The following ENTPD4 variants were observed in gnomAD, a reference collection of about 807,000 sequenced individuals.
The protein encoded by ENTPD4 is ectonucleoside triphosphate diphosphohydrolase 4.
Under a neutral mutation model 79.1 loss-of-function variants are expected in ENTPD4, and 60 were observed. That is an observed-to-expected ratio of 0.76 (90% confidence interval 0.62 to 0.94). The LOEUF is 0.94. ENTPD4 is among the 40% of genes least tolerant of loss of function. The pLI is 0.00. For missense variants in ENTPD4, 772 were observed against 775.1 expected, an observed-to-expected ratio of 1.00 and a Z score of 0.05; for synonymous variants, 276 against 292.0, an observed-to-expected ratio of 0.95 and a Z score of 0.56.
At position 23,450,920 on chromosome 8, in the gene ENTPD4, G is replaced by T. The variant is rs78948208; in HGVS notation, c.-97-923C>A. 3.0e-4 allele frequency among the ~76,000 whole-genome samples: 45 copies of T among 151,900 alleles called. No homozygotes were observed. In the South Asian group the frequency reaches 3.1e-3, roughly 11 times the overall value. On this transcript the variant is annotated intron_variant, in intron 1 of 12. Coordinates refer to ENST00000358689, the MANE Select transcript of ENTPD4 (RefSeq NM_004901.5). ...TTTTCTCCTAATCTGCTCTGCCCCC[G>T]CAGTCCCAATCTTGATCCCACCAAG...
At chr8:23,453,220 G>A (rs1800896428) in intron 1 of ENTPD4, among the ~76,000 whole-genome samples, 1 of 152,106 alleles carries the variant, frequency 6.6e-6, no homozygotes, top group African/African-American at 2.4e-5. Flanking sequence ...TGTCCATATT[G>A]TACCATGTAC....
At chr8:23,449,820 T>C (rs567317954) in intron 2 of ENTPD4, 73 bp downstream of exon 2, 1 of 1,337,004 alleles carries the variant, frequency 7.5e-7, no homozygotes, top group Non-Finnish European at 1.1e-6. Context: ...GCGATTTAGA[T>C]TTTTTTTCTC....
rs748902526 is a variant in ENTPD4 at position 23,448,942 on chromosome 8, G to A, written c.9-3C>T. ...GAAAAAGACAGGAGATGCCAATCCT[G>A]AAATTAGAAGGAAAAAGATTTTAAA... On this transcript the variant is annotated splice_region_variant and splice_polypyrimidine_tract_variant and intron_variant, in intron 2 of 12. Coordinates refer to ENST00000358689, the MANE Select transcript of ENTPD4 (RefSeq NM_004901.5). The A allele has an allele frequency of 8.1e-6, 13 of 1,610,708 alleles. No individual in the cohort carries two copies. In the South Asian group the frequency reaches 1.4e-4, roughly 18 times the overall value.
intron 9 of ENTPD4, among the ~76,000 whole-genome samples, chr8:23,439,328 A>G (rs1162451166): frequency 1.3e-5 from 2 of 152,172 alleles, no homozygotes; most frequent in Non-Finnish European, 2.9e-5. Context: ...TCATCCACAG[A>G]GTCTCCAGAA....
intron 9 of ENTPD4, among the ~76,000 whole-genome samples, chr8:23,438,403 T>C (rs1324043663): frequency 3.3e-5 from 5 of 152,232 alleles, no homozygotes; most frequent in Admixed American, 6.5e-5. Context: ...CATAAAAATG[T>C]TCGCTTAATT....
At chr8:23,447,082 G>C (rs918018028) in intron 4 of ENTPD4, among the ~76,000 whole-genome samples, 1 of 152,188 alleles carries the variant, frequency 6.6e-6, no homozygotes, top group African/African-American at 2.4e-5. Flanking sequence ...GCTGTCCATG[G>C]AAATGGTGAT....
At chr8:23,456,289 C>T (rs1800956592) in intron 1 of ENTPD4, among the ~76,000 whole-genome samples, 1 of 152,212 alleles carries the variant, frequency 6.6e-6, no homozygotes, top group Non-Finnish European at 1.5e-5. Context: ...TTACTAACAG[C>T]ACTTCCTCCG....
At chr8:23,435,772 C>T (rs774557468) in intron 10 of ENTPD4, among the ~76,000 whole-genome samples, 6 of 152,178 alleles carry the variant, frequency 3.9e-5, no homozygotes, top group Non-Finnish European at 5.9e-5. Flanking sequence ...CTGCATGGTA[C>T]GGGCATACAT....
chr8:23,440,030 T>C, intron 8 of ENTPD4, 115 bp from the exon 9 acceptor site: 1 of 796,914 alleles, frequency 1.3e-6, no homozygotes. Flanking sequence ...GCTTCTGCAC[T>C]TCCCAAGGAC....
At position 23,429,581 on chromosome 8, in the gene ENTPD4, T is replaced by A. The variant is rs1800420087; in HGVS notation, c.*3345A>T. 5 of 985,292 alleles carry A rather than the reference T, an allele frequency of 5.1e-6. No homozygotes were observed. Among genetic ancestry groups the A allele is most frequent in the Non-Finnish European group, 6.0e-6 (5 of 829,888 alleles). The allele number at this position is 985,292 out of a possible 1,614,324, so 61.0% of individuals were successfully genotyped here. A position where few individuals can be genotyped will look rare whatever the true frequency, so the allele number is the denominator to read the frequency against. The stretch of plus-strand genomic sequence containing the variant: ...TTGCCATTTTTAGTTTCTTGCTAAG[T>A]GATACATGCTCCTTATAAGGAAAAC... On this transcript the variant is annotated 3_prime_UTR_variant, in exon 13 of 13. Transcript: ENST00000358689.
intron 1 of ENTPD4, among the ~76,000 whole-genome samples, chr8:23,454,891 T>C (rs1429145481): frequency 6.6e-6 from 1 of 152,208 alleles, no homozygotes; most frequent in African/African-American, 2.4e-5. Context: ...GGTAATTTGA[T>C]CTTCAAATGT....
chr8:23,454,415 G>A (rs1387859437), intron 1 of ENTPD4, among the ~76,000 whole-genome samples: 3 of 152,188 alleles, frequency 2.0e-5, no homozygotes, highest in African/African-American at 2.4e-5. Flanking sequence ...GTGACATGAG[G>A]AGTAACAAAC....
At chr8:23,456,798 C>A (rs1260620939) in intron 1 of ENTPD4, among the ~76,000 whole-genome samples, 2 of 152,190 alleles carry the variant, frequency 1.3e-5, no homozygotes, top group Non-Finnish European at 2.9e-5. Context: ...AAGGAGACAA[C>A]AAAGACTGCA....
chr8:23,453,975 T>C (rs1437020119), intron 1 of ENTPD4, among the ~76,000 whole-genome samples: 1 of 152,156 alleles, frequency 6.6e-6, no homozygotes, highest in Non-Finnish European at 1.5e-5. Context: ...TCATGATATA[T>C]TAAGTGAAAA....
chr8:23,430,679 A>G lies in ENTPD4; in HGVS notation c.*2247T>C. ...TCTCAGCCCTTGTTTCAGGATCCTC[A>G]GGTATGTGACTAACTCTTCTATGCC... On this transcript the variant is annotated 3_prime_UTR_variant, in exon 13 of 13. Transcript: ENST00000358689. The G allele has an allele frequency of 1.0e-6, 1 of 985,432 alleles. No individual in the cohort carries two copies. The highest frequency in any genetic ancestry group is 1.2e-6 in the Non-Finnish European group (1 of 829,962). 61.0% of individuals were successfully genotyped at this position (985,432 alleles called of 1,614,324 possible).
intron 3 of ENTPD4, among the ~76,000 whole-genome samples, chr8:23,448,382 G>A (rs1443821215): frequency 6.6e-6 from 1 of 152,112 alleles, no homozygotes; most frequent in Non-Finnish European, 1.5e-5. Flanking sequence ...GAATGTCTGG[G>A]GCCCCCCAAA....
At chr8:23,450,267 A>G (rs766264113) in intron 1 of ENTPD4, among the ~76,000 whole-genome samples, 2 of 152,220 alleles carry the variant, frequency 1.3e-5, no homozygotes, top group Non-Finnish European at 2.9e-5. Context: ...AGGATATCAA[A>G]TAGGCCTTAA....
At chr8:23,451,759 A>G (rs1322975013) in intron 1 of ENTPD4, among the ~76,000 whole-genome samples, 1 of 152,024 alleles carries the variant, frequency 6.6e-6, no homozygotes, top group Non-Finnish European at 1.5e-5. Context: ...TGCCCCCTCT[A>G]CTAGGAAGTA....
chr8:23,429,739 C>A lies in ENTPD4; in HGVS notation c.*3187G>T, dbSNP rs947671906. 2.0e-6 allele frequency: 2 copies of A among 985,312 alleles called. No individual in the cohort carries two copies. Among genetic ancestry groups the A allele is most frequent in the African/African-American group, 1.7e-5 (1 of 57,248 alleles). The allele number at this position is 985,312 out of a possible 1,614,324, so 61.0% of individuals were successfully genotyped here. The stretch of plus-strand genomic sequence containing the variant: ...AGCCTTCAGGGTGGCTGGGCAGGGG[C>A]CCCATGTTACTGGCCTCAGCCACCA... On this transcript the variant is annotated 3_prime_UTR_variant, in exon 13 of 13. Transcript: ENST00000358689.
Sources: allele counts gnomAD v4.1 joint callset (sites outside exome capture counted in the v4.1 genomes callset), GRCh38; gene constraint gnomAD v4.1.1; transcripts MANE v1.5; gene names NCBI Gene and HGNC (gene_info 2026-07-23, HGNC 2026-07-21).